KLK11: variants seen among roughly 807,000 people sequenced by gnomAD.
KLK11 encodes kallikrein-11.
Under a neutral mutation model 23.4 loss-of-function variants are expected in KLK11, and 10 were observed. The ratio of observed to expected loss-of-function variants is 0.43; its 90% CI spans 0.26 to 0.73. The LOEUF (loss-of-function observed/expected upper bound fraction) is 0.73, where lower values mean the gene tolerates loss of function less well. Among genes scored for constraint, KLK11 ranks in the 30% least tolerant of loss-of-function variants. KLK11 has a pLI of 0.22. For synonymous variants in KLK11, 131 were observed against 131.7 expected, an observed-to-expected ratio of 0.99 and a Z score of 0.03; for missense variants, 285 against 327.8, an observed-to-expected ratio of 0.87 and a Z score of 1.01.
In KLK11 at chr19:51,022,596, C is replaced by T. The variant is rs917443821; in HGVS notation, c.702G>A (p.Thr234=). 9.9e-6 allele frequency: 16 copies of T among 1,614,042 alleles called. No homozygotes were observed. The highest frequency in any genetic ancestry group is 1.3e-5 in the African/African-American group (1 of 75,038). The change falls in exon 6 of 6, where the codon ACG becomes ACA. Residue 234 remains threonine (T), a synonymous_variant. Transcript: ENST00000453757. The stretch of plus-strand genomic sequence containing the variant: ...TCCAGTCCACATATTTGCAGACTTT[C>T]GTGTAGACACCAGGCTTTCGGGTGA... The part of the protein sequence containing the change: ...CAITRKPGVY[T]KVCKYVDWIQ...
At chr19:51,023,570 A>C in intron 4 of KLK11, 1 of 233,896 alleles carries the variant, frequency 4.3e-6, no homozygotes, top group Non-Finnish European at 8.3e-6. Flanking sequence ...TTTTTAGTAG[A>C]GATGGGATTT....
chr19:51,023,383 G>GT, intron 4 of KLK11, 155 bp from the exon 5 acceptor site: 3 of 608,538 alleles, frequency 4.9e-6, no homozygotes, highest in African/African-American at 2.7e-5. Flanking sequence ...ATGCTATCCA[G>GT]CTTTTTTTTT....
chr19:51,027,162 A>ACAGCCC (rs1265454155), upstream of KLK11: 2 of 370,144 alleles, frequency 5.4e-6, no homozygotes, highest in Non-Finnish European at 4.9e-6. Context: ...CTCCCTCTCC[A>ACAGCCC]CAGCCCCAGC....
chr19:51,023,826 C>G (rs920187597), intron 4 of KLK11: 15 of 450,640 alleles, frequency 3.3e-5, no homozygotes, highest in Admixed American at 1.2e-4. Flanking sequence ...TAAGGTCTTA[C>G]AACCAGGAGG....
upstream of KLK11, chr19:51,027,709 T>G: frequency 1.7e-6 from 1 of 584,172 alleles, no homozygotes; most frequent in South Asian, 2.2e-5. Flanking sequence ...TGACTACCCT[T>G]ATGACGTGGG....
In KLK11 at chr19:51,024,399, C is replaced by T. The variant is rs2091447766; in HGVS notation, c.198-89G>A. The T allele has an allele frequency of 1.3e-6, 2 of 1,552,836 alleles. No homozygotes were observed. The highest frequency in any genetic ancestry group is 1.7e-6 in the Non-Finnish European group (2 of 1,148,668). On this transcript the variant is annotated intron_variant, in intron 3 of 5. Coordinates refer to ENST00000453757, the MANE Select transcript of KLK11 (RefSeq NM_001136032.3). The surrounding 1 kb of genome is among the most constrained non-coding windows in gnomAD (Gnocchi z 6.2). The stretch of plus-strand genomic sequence containing the variant: ...AGTGACACCTTTGAGGATGAAGAAA[C>T]ATCGCTCTGCTTCCAACCTCTTCCA...
chr19:51,027,449 T>A (rs2091503311), upstream of KLK11: 1 of 1,613,768 alleles, frequency 6.2e-7, no homozygotes, highest in Non-Finnish European at 8.5e-7. Flanking sequence ...GTCCAGCTGT[T>A]CACTTACTGG....
Position 51,025,557 on chromosome 19 carries a change from G to A in KLK11, c.40+35C>T. On this transcript the variant is annotated intron_variant, in intron 2 of 5. Coordinates refer to ENST00000453757, the MANE Select transcript of KLK11 (RefSeq NM_001136032.3). The surrounding 1 kb of genome is among the most constrained non-coding windows in gnomAD (Gnocchi z 6.2). Reference sequence around the variant, plus strand: ...GTTAGGGGATCCCAGAGATTCAAGAGGGAGGATCCTGCCCTGCCCCCATCC... The same window carrying A: ...GTTAGGGGATCCCAGAGATTCAAGAAGGAGGATCCTGCCCTGCCCCCATCC... 1 of 1,415,838 alleles carries A rather than the reference G, an allele frequency of 7.1e-7. No individual in the cohort carries two copies. The highest frequency in any genetic ancestry group is 9.6e-7 in the Non-Finnish European group (1 of 1,038,466). 87.7% of individuals were successfully genotyped at this position (1,415,838 alleles called of 1,614,324 possible).
chr19:51,027,813 A>G (rs2091507619), upstream of KLK11: 1 of 374,668 alleles, frequency 2.7e-6, no homozygotes, highest in East Asian at 5.4e-5. Context: ...TCAGGCTTCC[A>G]GGAGGGTCCA....
In KLK11 at chr19:51,024,049, G is replaced by C. The variant is rs775279706; in HGVS notation, c.459C>G (p.Pro153=). The C allele has an allele frequency of 6.5e-7, 1 of 1,534,092 alleles. No individual in the cohort carries two copies. The change falls in exon 4 of 6, where the codon CCC becomes CCG. Residue 153 remains proline, a synonymous_variant. Coordinates refer to ENST00000453757, the MANE Select transcript of KLK11 (RefSeq NM_001136032.3). The surrounding 1 kb of genome is among the most constrained non-coding windows in gnomAD (Gnocchi z 6.2). ...GTTCCCCTCTGGTGCTCCTACACTG[G>C]GGGCTGGACGTGCTGCCCCAGCCGG... ...LISGWGSTSS[P]QLRLPHTLRC...
chr19:51,022,542 A>C lies in KLK11; in HGVS notation c.*3T>G, dbSNP rs78101838. The C allele has an allele frequency of 1.4e-3, 2,282 of 1,614,126 alleles. 25 individuals are homozygous for C. The African/African-American group carries it at 0.027, about 19-fold the overall frequency. ...GTGATGGGCTGTGGTGGGTGGGTCC[A>C]GTCTAATTGTTCTTCATCGTCTCCT... On this transcript the variant is annotated 3_prime_UTR_variant, in exon 6 of 6. Transcript: ENST00000453757.
At chr19:51,026,794 T>G (rs1348801066), upstream of KLK11, 1 of 157,082 alleles carries the variant, frequency 6.4e-6, no homozygotes, top group Non-Finnish European at 1.4e-5. Context: ...TCCAAGCCCC[T>G]CTTCTCCCTG....
intron 1 of KLK11, among the ~76,000 whole-genome samples, 173 bp downstream of exon 1, chr19:51,026,363 CTG>C (rs2091486221): frequency 6.6e-6 from 1 of 151,958 alleles, no homozygotes; most frequent in South Asian, 2.1e-4. Flanking sequence ...TTAGAGGTAA[CTG>C]AGGCTGCGGA....
chr19:51,024,644 A>G lies in KLK11; in HGVS notation c.191T>C (p.Leu64Pro). Residue 64 changes from leucine to proline, a missense_variant, in exon 3 of 6, where the codon CTC becomes CCC. By Grantham distance (98) the Leu-to-Pro change is moderately conservative. Transcript: ENST00000453757. This position sits in a 1 kb window ranked among gnomAD's most constrained non-coding sequence, Gnocchi z 6.2. ...CCCCAGCCCCCGCACCCACGGCTTGAGGCAGTGGGCTGCTGTCAGGAGCCA... is the reference window on the plus strand; with the variant it reads ...CCCCAGCCCCCGCACCCACGGCTTGGGGCAGTGGGCTGCTGTCAGGAGCCA... ...PRWLLTAAHC[L>P]KPRYIVHLGQ... 1 of 1,529,870 alleles carries G rather than the reference A, an allele frequency of 6.5e-7. No homozygotes were observed. The highest frequency in any genetic ancestry group is 1.7e-4 in the Middle Eastern group (1 of 5,770). The allele number at this position is 1,529,870 out of a possible 1,614,324, so 94.8% of individuals were successfully genotyped here. A position where few individuals can be genotyped will look rare whatever the true frequency, so the allele number is the denominator to read the frequency against.
In KLK11 at chr19:51,024,817, A is replaced by G. The variant is rs143218518; in HGVS notation, c.41-23T>C. The G allele has an allele frequency of 2.1e-4, 330 of 1,537,986 alleles. No homozygotes were observed. In the African/African-American group the frequency reaches 3.9e-3, roughly 18 times the overall value. ...GCCCTGGAGGGGGTGAGAGCAAAAG[A>G]AGGGGCTCAGGAAGGAGAGGTGGTA... On this transcript the variant is annotated intron_variant, in intron 2 of 5. Coordinates refer to ENST00000453757, the MANE Select transcript of KLK11 (RefSeq NM_001136032.3). The surrounding 1 kb of genome is among the most constrained non-coding windows in gnomAD (Gnocchi z 6.2).
At position 51,026,591 on chromosome 19, in the gene KLK11, G is replaced by A. The variant is rs184609946; in HGVS notation, c.-89C>T. The A allele has an allele frequency of 6.6e-4, 654 of 986,688 alleles. 13 individuals carry two copies. In the East Asian group the frequency reaches 0.041, roughly 61 times the overall value. 61.1% of individuals were successfully genotyped at this position (986,688 alleles called of 1,614,324 possible). On this transcript the variant is annotated 5_prime_UTR_variant, in exon 1 of 6. Transcript: ENST00000453757. ...CAGTGGCGGCGGAGACGGCAGTGGC[G>A]GCAGCTACAGCAGGTAGGCTGGGTT...
chr19:51,022,399 A>T lies in KLK11; in HGVS notation c.*146T>A. 1.1e-6 allele frequency: 1 copy of T among 891,874 alleles called. No homozygotes were observed. Among genetic ancestry groups the T allele is most frequent in the South Asian group, 1.6e-5 (1 of 64,444 alleles). The allele number at this position is 891,874 out of a possible 1,614,324, so 55.2% of individuals were successfully genotyped here. On this transcript the variant is annotated 3_prime_UTR_variant, in exon 6 of 6. Coordinates refer to ENST00000453757, the MANE Select transcript of KLK11 (RefSeq NM_001136032.3). ...ACTGATTTCGAACCCCAGGTTGATT[A>T]TTAAGTGACAGCATCTCCTGTAGTC...
chr19:51,027,172 C>A, upstream of KLK11: 1 of 399,376 alleles, frequency 2.5e-6, no homozygotes, highest in Non-Finnish European at 4.5e-6. Context: ...ACAGCCCCAG[C>A]CCAGGTGGGC....
In KLK11 at chr19:51,024,456, A is replaced by G. The variant is rs1258708897; in HGVS notation, c.198-146T>C. The G allele has an allele frequency of 6.6e-6, 9 of 1,358,704 alleles. No individual in the cohort carries two copies. The highest frequency in any genetic ancestry group is 1.5e-5 in the African/African-American group (1 of 68,464). The allele number at this position is 1,358,704 out of a possible 1,614,324, so 84.2% of individuals were successfully genotyped here. On this transcript the variant is annotated intron_variant, in intron 3 of 5. Coordinates refer to ENST00000453757, the MANE Select transcript of KLK11 (RefSeq NM_001136032.3). The surrounding 1 kb of genome is among the most constrained non-coding windows in gnomAD (Gnocchi z 6.2). Reference sequence around the variant, plus strand: ...CCACCGAAGCCCCCTTCCCAGCCATAGCCCCATCCCAACCCCATTCATCCC... The same window carrying G: ...CCACCGAAGCCCCCTTCCCAGCCATGGCCCCATCCCAACCCCATTCATCCC...
Sources: allele counts gnomAD v4.1 joint callset (sites outside exome capture counted in the v4.1 genomes callset), GRCh38; gene constraint gnomAD v4.1.1; non-coding constraint Gnocchi (gnomAD v3.1); transcripts MANE v1.5; gene names NCBI Gene and HGNC (gene_info 2026-07-23, HGNC 2026-07-21).